The following IQGAP2 variants were observed in gnomAD, a reference collection of about 807,000 sequenced individuals.
IQGAP2 encodes IQ motif containing GTPase activating protein 2, also known as ras GTPase-activating-like protein IQGAP2.
A neutral mutation model predicts 201.3 loss-of-function variants in IQGAP2; 173 were observed. The ratio of observed to expected loss-of-function variants is 0.86; its 90% CI spans 0.76 to 0.98. The LOEUF (loss-of-function observed/expected upper bound fraction) is 0.98, where lower values mean the gene tolerates loss of function less well. Among genes scored for constraint, IQGAP2 ranks in the 50% least tolerant of loss-of-function variants. The pLI, the probability that IQGAP2 is intolerant of heterozygous loss-of-function variation, is 0.00. For missense variants in IQGAP2, 1,687 were observed against 1,864.8 expected (o/e 0.90, Z 1.76); for synonymous variants, 675 against 673.9 (o/e 1.00, Z -0.03).
intron 2 of IQGAP2, among the ~76,000 whole-genome samples, chr5:76,509,880 T>C (rs958996987): frequency 3.3e-5 from 5 of 152,026 alleles, no homozygotes; most frequent in African/African-American, 1.2e-4. Flanking sequence ...CCACCCAACA[T>C]TTCCTAAGAG....
At chr5:76,451,377 T>C (rs376668593) in intron 1 of IQGAP2, among the ~76,000 whole-genome samples, 1 of 152,186 alleles carries the variant, frequency 6.6e-6, no homozygotes, top group East Asian at 1.9e-4. Context: ...TGCTGCAGCC[T>C]TCTCGTCACT....
intron 27 of IQGAP2, 161 bp from the exon 28 acceptor site, chr5:76,677,057 C>G (rs1430587069): frequency 1.6e-6 from 1 of 632,044 alleles, no homozygotes; most frequent in Non-Finnish European, 2.7e-6. Context: ...GATGCAGCTC[C>G]GACAGCCAGG....
intron 30 of IQGAP2, among the ~76,000 whole-genome samples, chr5:76,686,253 G>A (rs1489783840): frequency 1.3e-5 from 2 of 148,970 alleles, no homozygotes; most frequent in Admixed American, 6.6e-5. Flanking sequence ...TGCCCCTTGT[G>A]TGGGCTTTTT....
chr5:76,510,736 G>T (rs565086684), intron 2 of IQGAP2: 15 of 510,156 alleles, frequency 2.9e-5, no homozygotes, highest in Non-Finnish European at 6.0e-5. Flanking sequence ...ACCTAAGGGT[G>T]TACCTGGGGG....
At chr5:76,617,690 T>C (rs772227689) in intron 13 of IQGAP2, 2 of 1,614,066 alleles carry the variant, frequency 1.2e-6, no homozygotes, top group South Asian at 1.1e-5. Context: ...CTATGAGATA[T>C]ATAAAATATA....
chr5:76,664,712 G>A (rs757677990), intron 21 of IQGAP2, among the ~76,000 whole-genome samples: 3 of 151,980 alleles, frequency 2.0e-5, no homozygotes, highest in Non-Finnish European at 4.4e-5. Context: ...TGATAACAGC[G>A]CCCCGTAATA....
chr5:76,429,860 GACACACAC>G (rs56031811), intron 1 of IQGAP2, among the ~76,000 whole-genome samples: 4 of 144,616 alleles, frequency 2.8e-5, no homozygotes, highest in African/African-American at 5.2e-5. Flanking sequence ...AGGAGACACA[GACACACAC>G]ACACACACAC....
At chr5:76,564,445 A>T (rs774944261) in intron 3 of IQGAP2, among the ~76,000 whole-genome samples, 1 of 152,208 alleles carries the variant, frequency 6.6e-6, no homozygotes, top group Non-Finnish European at 1.5e-5. Context: ...AACTGTGAGA[A>T]TCAGGCTGGG....
At chr5:76,627,054 T>C (rs1439366663) in intron 13 of IQGAP2, among the ~76,000 whole-genome samples, 2 of 152,120 alleles carry the variant, frequency 1.3e-5, no homozygotes, top group African/African-American at 4.8e-5. Context: ...GGGGAAGCTT[T>C]AAGTAGAGGA....
At chr5:76,578,666 A>G (rs1472151105) in intron 5 of IQGAP2, among the ~76,000 whole-genome samples, 3 of 152,068 alleles carry the variant, frequency 2.0e-5, no homozygotes, top group Non-Finnish European at 4.4e-5. Context: ...TTCAAAAGTA[A>G]TGTATGCTCA....
intron 4 of IQGAP2, among the ~76,000 whole-genome samples, chr5:76,572,273 G>T (rs1285590266): frequency 6.7e-6 from 1 of 149,974 alleles, no homozygotes; most frequent in Admixed American, 6.6e-5. Context: ...GGGTGCATTG[G>T]CACAATCTCG....
At chr5:76,626,218 T>A (rs1750207080) in intron 13 of IQGAP2, among the ~76,000 whole-genome samples, 1 of 151,846 alleles carries the variant, frequency 6.6e-6, no homozygotes, top group Admixed American at 6.6e-5. Context: ...CTGCAGTATA[T>A]ATTGCCCTGA....
chr5:76,684,078 T>C (rs935096635), intron 30 of IQGAP2, among the ~76,000 whole-genome samples, 161 bp downstream of exon 30: 5 of 152,232 alleles, frequency 3.3e-5, no homozygotes, highest in Non-Finnish European at 1.5e-5. Context: ...ATAGACTCTT[T>C]AGAATTTAGG....
At chr5:76,521,595 G>A (rs545469453) in intron 2 of IQGAP2, among the ~76,000 whole-genome samples, 1 of 152,356 alleles carries the variant, frequency 6.6e-6, no homozygotes, top group Admixed American at 6.5e-5. Context: ...TAAGCTTGAT[G>A]CTTTGTACAA....
At chr5:76,613,882 G>A (rs953780080) in intron 13 of IQGAP2, among the ~76,000 whole-genome samples, 1 of 152,054 alleles carries the variant, frequency 6.6e-6, no homozygotes, top group Non-Finnish European at 1.5e-5. Flanking sequence ...TTGTAGAGAC[G>A]AGGTTTCACC....
At chr5:76,655,482 C>T (rs1430070454) in intron 20 of IQGAP2, among the ~76,000 whole-genome samples, 1 of 152,208 alleles carries the variant, frequency 6.6e-6, no homozygotes, top group African/African-American at 2.4e-5. Context: ...GAGTCTCACA[C>T]TGTCGCCCAG....
intron 9 of IQGAP2, 30 bp downstream of exon 9, chr5:76,592,955 A>G (rs777920501): frequency 1.4e-6 from 2 of 1,408,870 alleles, no homozygotes; most frequent in Admixed American, 1.7e-5. Context: ...AAGGAAATTG[A>G]TATTTCCGTA....
In IQGAP2 at chr5:76,470,648, C is replaced by A. The variant is rs968760691; in HGVS notation, c.146+8979C>A. On this transcript the variant is annotated intron_variant, in intron 2 of 35. Transcript: ENST00000274364. ...CTGGATTCAAACTCCTGGGCTCAAA[C>A]AATCCTCCAGCTTCAGCCTCCCAAG... Among the ~76,000 whole-genome samples the A allele has an allele frequency of 2.0e-5, 3 of 152,144 alleles. No homozygotes were observed. The South Asian group carries it at 6.2e-4, about 32-fold the overall frequency.
At chr5:76,450,456 A>G (rs1753671018) in intron 1 of IQGAP2, among the ~76,000 whole-genome samples, 1 of 152,246 alleles carries the variant, frequency 6.6e-6, no homozygotes, top group African/African-American at 2.4e-5. Flanking sequence ...AGAGCAATCT[A>G]TTAGCTCTAG....
Sources: allele counts gnomAD v4.1 joint callset (sites outside exome capture counted in the v4.1 genomes callset), GRCh38; gene constraint gnomAD v4.1.1; transcripts MANE v1.5; gene names NCBI Gene and HGNC (gene_info 2026-07-23, HGNC 2026-07-21).